Variants in CYRIA observed in about 807,000 individuals in gnomAD.
CYRIA encodes the protein CYFIP related Rac1 interactor A, also known as CYFIP-related Rac1 interactor A.
CYRIA carries 15 observed loss-of-function variants against 43.9 expected under a neutral mutation model. The observed-to-expected ratio is 0.34, with a 90% CI of 0.23 to 0.53. The LOEUF (loss-of-function observed/expected upper bound fraction) is 0.53, where lower values mean the gene tolerates loss of function less well. CYRIA is among the 20% of genes least tolerant of loss of function. The pLI is 0.94. For missense variants in CYRIA, 236 were observed against 394.2 expected (o/e 0.60, Z 3.40); for synonymous variants, 117 against 136.0 (o/e 0.86, Z 0.97).
chr2:16,623,347 G>A (rs1294639580), intron 2 of CYRIA, among the ~76,000 whole-genome samples: 2 of 152,208 alleles, frequency 1.3e-5, no homozygotes, highest in Non-Finnish European at 2.9e-5. Context: ...AGCAGACAGA[G>A]ACATTGCGTT....
intron 1 of CYRIA, among the ~76,000 whole-genome samples, chr2:16,643,698 G>A (rs979308932): frequency 3.3e-5 from 5 of 151,962 alleles, no homozygotes; most frequent in African/African-American, 1.2e-4. Flanking sequence ...AGGCTTCCAG[G>A]GCCAGGCTCA....
intron 2 of CYRIA, among the ~76,000 whole-genome samples, chr2:16,614,797 T>C (rs1257397862): frequency 2.0e-5 from 3 of 152,322 alleles, no homozygotes; most frequent in African/African-American, 7.2e-5. Context: ...CTTGGCAAGG[T>C]GCCACATCCC....
intron 2 of CYRIA, among the ~76,000 whole-genome samples, chr2:16,590,246 T>C (rs1349311821): frequency 1.4e-4 from 21 of 152,158 alleles, no homozygotes. Context: ...AAATTAAAGG[T>C]TGGGCTGGTA....
chr2:16,584,185 C>T (rs12328157), intron 3 of CYRIA, among the ~76,000 whole-genome samples: 12,656 of 152,154 alleles, frequency 0.083, 684 homozygotes, highest in African/African-American at 0.15. Flanking sequence ...CTGGACAGCT[C>T]ACTGCCTAAT....
intron 1 of CYRIA, among the ~76,000 whole-genome samples, chr2:16,637,357 G>A (rs746820950): frequency 2.0e-5 from 3 of 152,196 alleles, no homozygotes; most frequent in Non-Finnish European, 2.9e-5. Flanking sequence ...ATCAGGTCAT[G>A]AGGATGGAGC....
chr2:16,582,896 CAT>C (rs1314270076), intron 3 of CYRIA, among the ~76,000 whole-genome samples: 5 of 152,148 alleles, frequency 3.3e-5, no homozygotes, highest in Non-Finnish European at 7.3e-5. Context: ...ATAGCTGGAT[CAT>C]ATGGTAGCTT....
chr2:16,560,521 A>C (rs932876790), intron 9 of CYRIA: 1 of 168,918 alleles, frequency 5.9e-6, no homozygotes, highest in Non-Finnish European at 1.3e-5. Context: ...AATATTCTCA[A>C]TCATTTTTAA....
rs188555495 is a variant in CYRIA at position 16,584,397 on chromosome 2, A to T, written c.70+3653T>A. Among the ~76,000 whole-genome samples the T allele has an allele frequency of 5.6e-3, 847 of 152,196 alleles. 11 individuals carry two copies. Among genetic ancestry groups the T allele is most frequent in the African/African-American group, 0.019 (771 of 41,530 alleles). On this transcript the variant is annotated intron_variant, in intron 3 of 11. Coordinates refer to ENST00000381323, the MANE Select transcript of CYRIA (RefSeq NM_030797.4). ...GAGTCACAAAACTGAGGGGGCCCAG[A>T]CCCTGCCTCCAGGAATCTCAGTTTA...
At chr2:16,585,264 A>C (rs949902125) in intron 3 of CYRIA, among the ~76,000 whole-genome samples, 4 of 152,136 alleles carry the variant, frequency 2.6e-5, no homozygotes, top group Non-Finnish European at 5.9e-5. Flanking sequence ...GTTTGCAGAC[A>C]ACTAAGATGT....
chr2:16,572,583 A>T (rs970542834), intron 3 of CYRIA, among the ~76,000 whole-genome samples: 4 of 152,168 alleles, frequency 2.6e-5, no homozygotes, highest in Non-Finnish European at 5.9e-5. Context: ...CAACAACAGC[A>T]ACGATCCCAG....
At chr2:16,563,220 C>A (rs948834969) in intron 5 of CYRIA, among the ~76,000 whole-genome samples, 2 of 152,164 alleles carry the variant, frequency 1.3e-5, no homozygotes, top group East Asian at 3.9e-4. Flanking sequence ...CTTTTACTCT[C>A]TTCTATCTGA....
Position 16,555,049 on chromosome 2 carries a change from G to C in CYRIA, c.908+20C>G. 6.2e-7 allele frequency: 1 copy of C among 1,606,344 alleles called. No homozygotes were observed. The highest frequency in any genetic ancestry group is 8.5e-7 in the Non-Finnish European group (1 of 1,173,820). ...AAAGGCTGGCTGTTCCCTGTGAGCT[G>C]ACACAGGGTTGAAGCTCACCTGAGG... is the stretch of plus-strand genomic sequence containing the variant. On this transcript the variant is annotated intron_variant, in intron 11 of 11. Coordinates refer to ENST00000381323, the MANE Select transcript of CYRIA (RefSeq NM_030797.4).
At chr2:16,600,003 G>A (rs534233783) in intron 2 of CYRIA, among the ~76,000 whole-genome samples, 5 of 152,212 alleles carry the variant, frequency 3.3e-5, no homozygotes, top group East Asian at 1.9e-4. Flanking sequence ...TGATCCACCC[G>A]CCTCGGTCTC....
chr2:16,599,894 T>G (rs1668141113), intron 2 of CYRIA, among the ~76,000 whole-genome samples: 1 of 152,144 alleles, frequency 6.6e-6, no homozygotes, highest in African/African-American at 2.4e-5. Flanking sequence ...GAAGCTGGGA[T>G]TACAGGCACC....
At chr2:16,626,201 C>T (rs1669158772) in intron 1 of CYRIA, among the ~76,000 whole-genome samples, 1 of 152,106 alleles carries the variant, frequency 6.6e-6, no homozygotes. Flanking sequence ...TCATAGACCC[C>T]TGATGGGCAC....
intron 1 of CYRIA, among the ~76,000 whole-genome samples, chr2:16,635,515 G>A (rs1365015066): frequency 7.2e-5 from 11 of 152,186 alleles, no homozygotes; most frequent in Admixed American, 7.2e-4. Flanking sequence ...AAGTAAACGT[G>A]TCTAGTTGAA....
intron 1 of CYRIA, among the ~76,000 whole-genome samples, chr2:16,637,447 A>C (rs544651602): frequency 9.3e-4 from 142 of 152,300 alleles, no homozygotes; most frequent in African/African-American, 3.3e-3. Context: ...ATGAGGATGC[A>C]ATGAGGAAAC....
chr2:16,617,324 C>T lies in CYRIA; in HGVS notation c.-11+6540G>A, dbSNP rs1163695747. Among the ~76,000 whole-genome samples, 7 of 152,320 alleles carry T rather than the reference C, an allele frequency of 4.6e-5. No homozygotes were observed. In the East Asian group the frequency reaches 9.7e-4, roughly 21 times the overall value. The stretch of plus-strand genomic sequence containing the variant: ...CCAGTGTGCACCTGGCCCCAACCCC[C>T]GGACTCTGCCTACTACCGGGTCAGT... On this transcript the variant is annotated intron_variant, in intron 2 of 11. Transcript: ENST00000381323.
intron 1 of CYRIA, among the ~76,000 whole-genome samples, chr2:16,658,807 G>A (rs1399679087): frequency 6.6e-6 from 1 of 152,028 alleles, no homozygotes; most frequent in Non-Finnish European, 1.5e-5. Context: ...TGGAATAGAG[G>A]AGAAAGAGCA....
Sources: allele counts gnomAD v4.1 joint callset (sites outside exome capture counted in the v4.1 genomes callset), GRCh38; gene constraint gnomAD v4.1.1; transcripts MANE v1.5; gene names NCBI Gene and HGNC (gene_info 2026-07-23, HGNC 2026-07-21).